Variants in FBXL4 observed in about 807,000 individuals in gnomAD.
FBXL4 encodes the protein F-box/LRR-repeat protein 4.
A neutral mutation model predicts 58.9 loss-of-function variants in FBXL4; 40 were observed. The observed-to-expected ratio is 0.68, with a 90% CI of 0.53 to 0.88. The LOEUF is 0.88. FBXL4 is among the 40% of genes least tolerant of loss of function. FBXL4 has a pLI of 0.00. For missense variants in FBXL4, 676 were observed against 734.4 expected (o/e 0.92, Z 0.92); for synonymous variants, 263 against 265.5 (o/e 0.99, Z 0.09).
intron 3 of FBXL4, among the ~76,000 whole-genome samples, 193 bp downstream of exon 3, chr6:98,927,512 G>A (rs1472066150): frequency 1.3e-5 from 2 of 152,110 alleles, no homozygotes; most frequent in Admixed American, 1.3e-4. Flanking sequence ...CAAACATACA[G>A]AATTCAGATT....
At chr6:98,947,559 C>T (rs1270479567) in intron 1 of FBXL4, among the ~76,000 whole-genome samples, 2 of 152,228 alleles carry the variant, frequency 1.3e-5, no homozygotes, top group African/African-American at 4.8e-5. Context: ...TGCAGGCAGA[C>T]TGTAGCGTAG....
intron 7 of FBXL4, among the ~76,000 whole-genome samples, chr6:98,881,905 A>G (rs937388339): frequency 1.3e-5 from 2 of 152,064 alleles, no homozygotes; most frequent in Non-Finnish European, 2.9e-5. Context: ...TTAACTAATT[A>G]ACAGACAGGA....
At chr6:98,882,083 T>C (rs966368442) in intron 7 of FBXL4, among the ~76,000 whole-genome samples, 3 of 152,110 alleles carry the variant, frequency 2.0e-5, no homozygotes, top group South Asian at 2.1e-4. Flanking sequence ...TACACATACA[T>C]AGAGATAAAT....
chr6:98,912,711 G>T (rs1424854563), intron 5 of FBXL4, among the ~76,000 whole-genome samples: 2 of 151,972 alleles, frequency 1.3e-5, no homozygotes, highest in Non-Finnish European at 2.9e-5. Flanking sequence ...GGTACCAGCT[G>T]CTGCAAAATC....
chr6:98,897,673 G>A (rs1169607852), intron 7 of FBXL4, among the ~76,000 whole-genome samples: 1 of 152,180 alleles, frequency 6.6e-6, no homozygotes, highest in Non-Finnish European at 1.5e-5. Context: ...GCATGGCACT[G>A]TCATCTGCTC....
intron 1 of FBXL4, among the ~76,000 whole-genome samples, chr6:98,940,166 ATATTT>A (rs1365888174): frequency 1.3e-5 from 2 of 152,218 alleles, no homozygotes; most frequent in African/African-American, 4.8e-5. Context: ...GTATCTACAT[ATATTT>A]TATTTATTTG....
intron 7 of FBXL4, among the ~76,000 whole-genome samples, chr6:98,883,045 A>G (rs1056119702): frequency 3.9e-5 from 6 of 151,992 alleles, no homozygotes; most frequent in African/African-American, 1.2e-4. Context: ...AAATTAACCT[A>G]TTCTCCCATC....
intron 5 of FBXL4, among the ~76,000 whole-genome samples, chr6:98,908,379 C>T (rs1310997952): frequency 1.3e-5 from 2 of 150,630 alleles, no homozygotes; most frequent in Non-Finnish European, 2.9e-5. Context: ...GACCCACCTC[C>T]TTCCGTTTCA....
chr6:98,909,269 G>A (rs1771937777), intron 5 of FBXL4, among the ~76,000 whole-genome samples: 1 of 152,124 alleles, frequency 6.6e-6, no homozygotes, highest in South Asian at 2.1e-4. Flanking sequence ...AGACCTCTAT[G>A]ACGCAGCAGA....
intron 7 of FBXL4, 56 bp downstream of exon 7, chr6:98,899,212 C>T (rs1582393213): frequency 1.3e-6 from 2 of 1,586,398 alleles, no homozygotes; most frequent in Admixed American, 3.6e-5. Context: ...TACAGAAAAC[C>T]AAATCTTCAG....
Position 98,947,836 on chromosome 6 carries a change from G to A in FBXL4, c.-339C>T, listed in dbSNP as rs905520031. ...AGGGTCCGGGAGAGGCGCGCGCCGC[G>A]GGCTTCACCAGCGACCAGGCAGCGC... On this transcript the variant is annotated 5_prime_UTR_variant, in exon 1 of 10. Coordinates refer to ENST00000369244, the MANE Select transcript of FBXL4 (RefSeq NM_001278716.2). 5 of 152,032 alleles carry A rather than the reference G, an allele frequency of 3.3e-5. No homozygotes were observed. The highest frequency in any genetic ancestry group is 1.2e-4 in the African/African-American group (5 of 41,402). 9.4% of individuals were successfully genotyped at this position (152,032 alleles called of 1,614,324 possible).
chr6:98,908,596 ATT>A (rs1271950693), intron 5 of FBXL4, among the ~76,000 whole-genome samples: 1 of 152,172 alleles, frequency 6.6e-6, no homozygotes, highest in Non-Finnish European at 1.5e-5. Context: ...GTTCCCATCA[ATT>A]TATATATCCA....
At chr6:98,879,900 G>A (rs561172164) in intron 8 of FBXL4, among the ~76,000 whole-genome samples, 5 of 131,194 alleles carry the variant, frequency 3.8e-5, no homozygotes, top group South Asian at 2.4e-4. Flanking sequence ...TCAAGATCGC[G>A]CCGCTGCACT....
At chr6:98,936,532 A>G (rs1443374176) in intron 1 of FBXL4, among the ~76,000 whole-genome samples, 36 of 152,172 alleles carry the variant, frequency 2.4e-4, no homozygotes. Flanking sequence ...CTCTTAGTCT[A>G]TTTAACATGA....
At chr6:98,928,245 T>C (rs1772867224) in intron 2 of FBXL4, among the ~76,000 whole-genome samples, 1 of 152,166 alleles carries the variant, frequency 6.6e-6, no homozygotes, top group Non-Finnish European at 1.5e-5. Flanking sequence ...AAACTTTTGT[T>C]GACAACAAGG....
chr6:98,875,801 T>C lies in FBXL4; in HGVS notation c.1390-74A>G, dbSNP rs899817261. 8.5e-6 allele frequency: 12 copies of C among 1,414,894 alleles called. No individual in the cohort carries two copies. In the African/African-American group the frequency reaches 1.7e-4, roughly 20 times the overall value. 87.6% of individuals were successfully genotyped at this position (1,414,894 alleles called of 1,614,324 possible). On this transcript the variant is annotated intron_variant, in intron 8 of 9. Coordinates refer to ENST00000369244, the MANE Select transcript of FBXL4 (RefSeq NM_001278716.2). ...AAACTGTTTAGAGTAAGTCAGATTC[T>C]TAATTATAACCTATTGCTTTGCTTC...
Position 98,905,675 on chromosome 6 carries a change from A to G in FBXL4, c.859-5T>C. The G allele has an allele frequency of 1.9e-6, 3 of 1,610,950 alleles. No homozygotes were observed. The highest frequency in any genetic ancestry group is 2.5e-6 in the Non-Finnish European group (3 of 1,177,464). On this transcript the variant is annotated splice_polypyrimidine_tract_variant and splice_region_variant and intron_variant, in intron 5 of 9. Transcript: ENST00000369244. ...ATTCAGAATCAGCTGAATAAGCTAA[A>G]TAAGACAGAGAAACCAAGATCATCA...
chr6:98,939,075 CAAAAAA>C (rs3068704), intron 1 of FBXL4, among the ~76,000 whole-genome samples: 421 of 25,202 alleles, frequency 0.017, no homozygotes, highest in African/African-American at 0.036. Flanking sequence ...GACCTTGTCT[CAAAAAA>C]AAAAAAAAAA....
rs1772845967 is a variant in FBXL4, at chr6:98,927,736, G to A, written c.-104C>T. 6.6e-6 allele frequency: 1 copy of A among 152,206 alleles called. No individual in the cohort carries two copies. The highest frequency in any genetic ancestry group is 2.4e-5 in the African/African-American group (1 of 41,440). 9.4% of individuals were successfully genotyped at this position (152,206 alleles called of 1,614,324 possible). A position where few individuals can be genotyped will look rare whatever the true frequency, so the allele number is the denominator to read the frequency against. On this transcript the variant is annotated 5_prime_UTR_variant, in exon 3 of 10. Transcript: ENST00000369244. ...TAGAATGGTCACAGGATACACATGGGAAATGCAAAAGTTGGCATTCATCCA... is the reference window on the plus strand; with the variant it reads ...TAGAATGGTCACAGGATACACATGGAAAATGCAAAAGTTGGCATTCATCCA...
Sources: gnomAD v4.1 joint callset for allele counts (sites outside exome capture counted in the v4.1 genomes callset) on GRCh38, gnomAD v4.1.1 for gene constraint, MANE v1.5 for transcripts, NCBI Gene and HGNC (gene_info 2026-07-23, HGNC 2026-07-21) for gene names.